The following CHD9 variants were observed in gnomAD, a reference collection of about 807,000 sequenced individuals.
CHD9 encodes the protein ATP-dependent chromatin remodeler CHD9.
A neutral mutation model predicts 316.1 loss-of-function variants in CHD9; 77 were observed. The observed-to-expected ratio is 0.24, with a 90% CI of 0.20 to 0.29. The LOEUF is 0.29. Ranked by LOEUF, CHD9 falls within the 10% of genes least tolerant of loss-of-function variation. The pLI, the probability that CHD9 is intolerant of heterozygous loss-of-function variation, is 1.00. For synonymous variants in CHD9, 1,129 were observed against 1,158.3 expected (o/e 0.97, Z 0.51); for missense variants, 2,763 against 3,438.1 (o/e 0.80, Z 4.91).
chr16:53,065,472 A>C (rs2152504524), intron 1 of CHD9, among the ~76,000 whole-genome samples: 1 of 151,918 alleles, frequency 6.6e-6, no homozygotes, highest in South Asian at 2.1e-4. Flanking sequence ...CATCTCTACA[A>C]AAAAATTTAA....
rs762580392 is a variant in CHD9 at position 53,304,314 on chromosome 16, G to A, written c.6308G>A (p.Arg2103His). Reference protein sequence around the residue: ...KSGGKCETDRRMVAARTEPLT... With the variant: ...KSGGKCETDRHMVAARTEPLT... ...GGTGGAAAATGTGAAACAGACAGAC[G>A]CATGGTTGCAGCCAGAACAGAACCC... Residue 2103 changes from arginine to histidine, a missense_variant, in exon 31 of 39, where the codon CGC becomes CAC. By Grantham distance (29) the Arg-to-His change is conservative. This residue lies in a region of CHD9 where 663 missense variants were observed against 751.2 expected (regional missense o/e 0.88). Coordinates refer to ENST00000447540, the MANE Select transcript of CHD9 (RefSeq NM_001308319.2). The A allele has an allele frequency of 4.2e-5, 67 of 1,611,978 alleles. No homozygotes were observed. The highest frequency in any genetic ancestry group is 1.5e-4 in the African/African-American group (11 of 74,904).
chr16:53,189,534 C>G (rs8062703), intron 2 of CHD9, among the ~76,000 whole-genome samples: 2 of 150,978 alleles, frequency 1.3e-5, no homozygotes, highest in African/African-American at 2.4e-5. Flanking sequence ...ATCTCTCTCT[C>G]TATATATATA....
Position 53,324,621 on chromosome 16 carries a change from T to G in CHD9, c.8420T>G (p.Leu2807Arg). 6.2e-7 allele frequency: 1 copy of G among 1,613,786 alleles called. No individual in the cohort carries two copies. The highest frequency in any genetic ancestry group is 8.5e-7 in the Non-Finnish European group (1 of 1,179,826). The change falls in exon 39 of 39, where the codon CTT (leucine) becomes CGT (arginine). Residue 2807 changes from leucine to arginine, a missense_variant. Physicochemically the swap from Leu to Arg is moderately radical, Grantham distance 102 (BLOSUM62 -2). This residue lies in a region of CHD9 where 298 missense variants were observed against 380.2 expected (regional missense o/e 0.78). Transcript: ENST00000447540. ...LLSNILYPGM[L>R]LTPGLNLHIP... ...TCTAATATACTTTATCCAGGGATGCTTCTCACTCCAGGCCTTAATCTTCAT... is the reference window on the plus strand; with the variant it reads ...TCTAATATACTTTATCCAGGGATGCGTCTCACTCCAGGCCTTAATCTTCAT...
intron 21 of CHD9, 29 bp from the exon 22 acceptor site, chr16:53,267,898 A>G: frequency 6.3e-7 from 1 of 1,584,572 alleles, no homozygotes; most frequent in Non-Finnish European, 8.7e-7. Flanking sequence ...TTGACTCAAT[A>G]TCAATGTAAC....
chr16:53,060,836 A>T (rs1328920375), intron 1 of CHD9, among the ~76,000 whole-genome samples: 1 of 151,598 alleles, frequency 6.6e-6, no homozygotes, highest in Admixed American at 6.6e-5. Context: ...GGGGAGGATC[A>T]CTTCAGACCA....
At chr16:53,077,666 T>C (rs914186678) in intron 1 of CHD9, among the ~76,000 whole-genome samples, 1 of 152,202 alleles carries the variant, frequency 6.6e-6, no homozygotes, top group Admixed American at 6.5e-5. Flanking sequence ...AGGGGCACAA[T>C]GTACGTTTAC....
chr16:53,265,203 C>T (rs2051534560), intron 20 of CHD9, among the ~76,000 whole-genome samples: 1 of 151,906 alleles, frequency 6.6e-6, no homozygotes, highest in Non-Finnish European at 1.5e-5. Context: ...GAGTTTGATA[C>T]CAGCCTAGGC....
intron 1 of CHD9, among the ~76,000 whole-genome samples, chr16:53,110,378 A>G (rs1421696033): frequency 2.6e-5 from 4 of 152,264 alleles, no homozygotes; most frequent in Admixed American, 6.5e-5. Context: ...CAGATGATCA[A>G]CTGAGCCCAG....
intron 1 of CHD9, among the ~76,000 whole-genome samples, chr16:53,144,725 TA>T (rs1377738585): frequency 6.6e-6 from 1 of 151,960 alleles, no homozygotes; most frequent in Non-Finnish European, 1.5e-5. Flanking sequence ...GGGGTTTCAT[TA>T]TGTAGGCCAG....
At position 53,304,289 on chromosome 16, in the gene CHD9, G is replaced by A. The variant is rs1390985487; in HGVS notation, c.6283G>A (p.Gly2095Ser). ...LPQATGDQKS[G>S]GKCETDRRMV... is the part of the protein sequence containing the mutation. Reference sequence around the variant, plus strand: ...ACAGGCTACTGGAGACCAGAAATCTGGTGGAAAATGTGAAACAGACAGACG... The same window carrying A: ...ACAGGCTACTGGAGACCAGAAATCTAGTGGAAAATGTGAAACAGACAGACG... The change falls in exon 31 of 39, where the codon GGT (glycine) becomes AGT (serine). Residue 2095 changes from glycine to serine, a missense_variant. By Grantham distance (56) the Gly-to-Ser change is moderately conservative. Transcript: ENST00000447540. 5 of 1,611,536 alleles carry A rather than the reference G, an allele frequency of 3.1e-6. No individual in the cohort carries two copies. Among genetic ancestry groups the A allele is most frequent in the Non-Finnish European group, 4.2e-6 (5 of 1,179,658 alleles).
chr16:53,073,649 T>C (rs1298184606), intron 1 of CHD9, among the ~76,000 whole-genome samples: 1 of 152,210 alleles, frequency 6.6e-6, no homozygotes, highest in Non-Finnish European at 1.5e-5. Context: ...TCCTCAGTAC[T>C]GTTCTCGTGG....
intron 1 of CHD9, among the ~76,000 whole-genome samples, chr16:53,087,273 G>T (rs538688135): frequency 6.6e-5 from 10 of 152,242 alleles, no homozygotes; most frequent in African/African-American, 2.4e-4. Context: ...TCCTGTTGGT[G>T]CTTTTCTTCC....
intron 1 of CHD9, among the ~76,000 whole-genome samples, chr16:53,093,827 G>A (rs1392088130): frequency 6.6e-6 from 1 of 152,122 alleles, no homozygotes; most frequent in Non-Finnish European, 1.5e-5. Context: ...ACTGATGATT[G>A]TTTTGGGGTG....
intron 34 of CHD9, chr16:53,310,833 A>G (rs1013840380): frequency 6.7e-6 from 1 of 150,016 alleles, no homozygotes; most frequent in Non-Finnish European, 1.5e-5. Flanking sequence ...CCTGGGCAAC[A>G]AGAGCGAAAC....
At chr16:53,228,071 C>T (rs1458511908) in intron 7 of CHD9, among the ~76,000 whole-genome samples, 5 of 150,492 alleles carry the variant, frequency 3.3e-5, no homozygotes, top group Non-Finnish European at 7.4e-5. Flanking sequence ...GGCGACAGAG[C>T]GAGACTCCGT....
intron 30 of CHD9, among the ~76,000 whole-genome samples, chr16:53,301,100 A>T (rs1485596361): frequency 6.6e-6 from 1 of 152,204 alleles, no homozygotes; most frequent in Non-Finnish European, 1.5e-5. Flanking sequence ...AAAACAAAAC[A>T]TTATTCACAT....
chr16:53,132,097 A>T (rs961449085), intron 1 of CHD9, among the ~76,000 whole-genome samples: 44 of 139,068 alleles, frequency 3.2e-4, no homozygotes, highest in African/African-American at 9.6e-4. Flanking sequence ...TTTAAAAAAA[A>T]TTTTTTTTGG....
chr16:53,154,299 A>G (rs1358175862), intron 1 of CHD9, among the ~76,000 whole-genome samples: 1 of 152,210 alleles, frequency 6.6e-6, no homozygotes, highest in South Asian at 2.1e-4. Flanking sequence ...CTCAAACCAA[A>G]CATCACTTAC....
chr16:53,285,495 C>G (rs544337923), intron 24 of CHD9, 101 bp from the exon 25 acceptor site: 119 of 476,058 alleles, frequency 2.5e-4, no homozygotes, highest in African/African-American at 2.0e-3. Flanking sequence ...ATCCTAAGCT[C>G]TCTCTTGAAA....
Sources: allele counts gnomAD v4.1 joint callset (sites outside exome capture counted in the v4.1 genomes callset), GRCh38; gene constraint gnomAD v4.1.1; regional missense constraint gnomAD v4.1.1; transcripts MANE v1.5; gene names NCBI Gene and HGNC (gene_info 2026-07-23, HGNC 2026-07-21).